DCHS2: variants seen among roughly 807,000 people sequenced by gnomAD.
The protein encoded by DCHS2 is dachsous cadherin-related 2.
DCHS2 carries 142 observed loss-of-function variants against 182.4 expected under a neutral mutation model. The observed-to-expected ratio is 0.78, with a 90% CI of 0.68 to 0.89. DCHS2 has a LOEUF of 0.89. Among genes scored for constraint, DCHS2 ranks in the 40% least tolerant of loss-of-function variants. DCHS2 has a pLI of 0.00. For synonymous variants in DCHS2, 1,740 were observed against 1,663.3 expected (o/e 1.05, Z -1.12); for missense variants, 4,319 against 4,198.6 (o/e 1.03, Z -0.79).
intron 4 of DCHS2, 77 bp from the exon 5 acceptor site, chr4:154,333,571 T>C (rs952048434): frequency 1.5e-6 from 2 of 1,375,504 alleles, no homozygotes; most frequent in Non-Finnish European, 2.0e-6. Flanking sequence ...GAAATGTTAA[T>C]ACAGTCATCC....
intron 3 of DCHS2, among the ~76,000 whole-genome samples, chr4:154,346,080 C>T (rs968102862): frequency 6.6e-6 from 1 of 152,158 alleles, no homozygotes; most frequent in African/African-American, 2.4e-5. Flanking sequence ...AGCCACTCAT[C>T]CCATTGTGGA....
chr4:154,471,503 G>C (rs1735466539), intron 1 of DCHS2, among the ~76,000 whole-genome samples: 1 of 152,066 alleles, frequency 6.6e-6, no homozygotes, highest in Non-Finnish European at 1.5e-5. Flanking sequence ...GTTAGAAATG[G>C]TTTATTGTAG....
Position 154,304,758 on chromosome 4 carries a change from A to G in DCHS2, c.5516T>C (p.Leu1839Pro), listed in dbSNP as rs1281451933. 1 of 1,614,104 alleles carries G rather than the reference A, an allele frequency of 6.2e-7. No individual in the cohort carries two copies. The highest frequency in any genetic ancestry group is 1.1e-5 in the South Asian group (1 of 91,072). ...GACAACCTCTGGTTCCTGGTTTTCC[A>G]GAACCTCAATGTCATAACTGGAAAC... Reference protein sequence around the residue: ...FIVSSYDIEVLENQEPEVVYT... With the variant: ...FIVSSYDIEVPENQEPEVVYT... Residue 1839 changes from leucine to proline, a missense_variant, in exon 12 of 20, where the codon CTG becomes CCG. Leu to Pro is a moderately conservative substitution (Grantham distance 98, BLOSUM62 -3). Coordinates refer to ENST00000357232, the MANE Select transcript of DCHS2 (RefSeq NM_001358235.2).
chr4:154,266,329 T>C (rs1578882188), intron 14 of DCHS2, among the ~76,000 whole-genome samples: 1 of 146,052 alleles, frequency 6.8e-6, no homozygotes, highest in Non-Finnish European at 1.5e-5. Flanking sequence ...AGGGGTTTTT[T>C]TTTTGTTGTT....
At chr4:154,357,343 C>T (rs1172300175) in intron 3 of DCHS2, 3 of 1,534,862 alleles carry the variant, frequency 2.0e-6, no homozygotes, top group East Asian at 4.5e-5. Flanking sequence ...GGAAAAGGAG[C>T]CAGGCTGGTG....
intron 1 of DCHS2, among the ~76,000 whole-genome samples, chr4:154,416,449 C>T (rs1013058919): frequency 1.6e-4 from 24 of 152,182 alleles, no homozygotes; most frequent in African/African-American, 5.6e-4. Flanking sequence ...GTGTTATTCC[C>T]CACCCGACGA....
chr4:154,402,376 G>A (rs920360541), intron 1 of DCHS2, among the ~76,000 whole-genome samples: 2 of 152,170 alleles, frequency 1.3e-5, no homozygotes, highest in African/African-American at 2.4e-5. Flanking sequence ...TTACCATATA[G>A]ATTTTAGAAT....
chr4:154,377,894 G>A (rs1292455770), intron 1 of DCHS2, among the ~76,000 whole-genome samples: 2 of 152,094 alleles, frequency 1.3e-5, no homozygotes, highest in Admixed American at 1.3e-4. Context: ...GAGCAGCAAG[G>A]GGAGGGCCAA....
At position 154,433,413 on chromosome 4, in the gene DCHS2, T is replaced by C. The variant is rs936945808; in HGVS notation, c.2052+55891A>G. ...TTTTTTCCTTTTTTTTTTTTTTTTT[T>C]GAGACAGAGTCTTGCTCTGTCGCTA... On this transcript the variant is annotated intron_variant, in intron 1 of 19. Coordinates refer to ENST00000357232, the MANE Select transcript of DCHS2 (RefSeq NM_001358235.2). Among the ~76,000 whole-genome samples the C allele has an allele frequency of 5.9e-4, 87 of 148,046 alleles. 1 individual carries two copies. In the East Asian group the frequency reaches 0.016, roughly 27 times the overall value.
chr4:154,386,788 TTCTC>T (rs1262665689), intron 1 of DCHS2, among the ~76,000 whole-genome samples: 3 of 152,212 alleles, frequency 2.0e-5, no homozygotes, highest in Non-Finnish European at 4.4e-5. Flanking sequence ...TTTATGACTA[TTCTC>T]TCTATTTGCC....
chr4:154,246,414 T>G (rs1315895195), intron 16 of DCHS2, among the ~76,000 whole-genome samples: 1 of 151,992 alleles, frequency 6.6e-6, no homozygotes, highest in Non-Finnish European at 1.5e-5. Flanking sequence ...ATAGTCGACT[T>G]CCCCTGTGGT....
intron 13 of DCHS2, among the ~76,000 whole-genome samples, chr4:154,290,362 A>T (rs1734598385): frequency 1.3e-5 from 2 of 152,102 alleles, no homozygotes; most frequent in Non-Finnish European, 2.9e-5. Context: ...AAATGTCCAT[A>T]CTATCAAAAG....
rs148647606 is a variant in DCHS2 at position 154,477,309 on chromosome 4, A to G, written c.2052+11995T>C. On this transcript the variant is annotated intron_variant, in intron 1 of 19. Transcript: ENST00000357232. ...ATGCAGATGCAACCCTCATAACTTC[A>G]TCTAAACTAATTATCTCACAAAGGC... 2.4e-3 allele frequency among the ~76,000 whole-genome samples: 371 copies of G among 152,266 alleles called. 1 individual carries two copies. The highest frequency in any genetic ancestry group is 2.9e-3 in the Non-Finnish European group (199 of 68,018).
intron 1 of DCHS2, among the ~76,000 whole-genome samples, chr4:154,484,914 C>T (rs139600460): frequency 2.0e-5 from 3 of 152,290 alleles, no homozygotes; most frequent in African/African-American, 4.8e-5. Context: ...ATTACACATT[C>T]CTACATACAC....
At chr4:154,463,807 A>G (rs1735123143) in intron 1 of DCHS2, among the ~76,000 whole-genome samples, 1 of 152,034 alleles carries the variant, frequency 6.6e-6, no homozygotes, top group Admixed American at 6.6e-5. Context: ...TCAGGGCTCT[A>G]TATACATCAG....
intron 3 of DCHS2, among the ~76,000 whole-genome samples, chr4:154,359,912 G>A (rs1159328492): frequency 6.6e-6 from 1 of 151,964 alleles, no homozygotes; most frequent in Non-Finnish European, 1.5e-5. Context: ...GTCACAATGA[G>A]AGGTCATTTT....
intron 1 of DCHS2, among the ~76,000 whole-genome samples, chr4:154,435,976 T>C (rs950515405): frequency 3.9e-5 from 6 of 152,174 alleles, no homozygotes; most frequent in African/African-American, 1.2e-4. Context: ...ATATATAACA[T>C]CGTGATAAAC....
At chr4:154,371,601 T>C (rs988824826) in intron 2 of DCHS2, among the ~76,000 whole-genome samples, 1 of 152,114 alleles carries the variant, frequency 6.6e-6, no homozygotes, top group South Asian at 2.1e-4. Flanking sequence ...AACCTGAGAC[T>C]GATTAATTTA....
At chr4:154,302,643 C>G (rs1279054000) in intron 12 of DCHS2, among the ~76,000 whole-genome samples, 1 of 151,908 alleles carries the variant, frequency 6.6e-6, no homozygotes, top group Non-Finnish European at 1.5e-5. Context: ...CTGAGTCCCA[C>G]AGCCATCCGA....
Sources: gnomAD v4.1 joint callset for allele counts (sites outside exome capture counted in the v4.1 genomes callset) on GRCh38, gnomAD v4.1.1 for gene constraint, MANE v1.5 for transcripts, NCBI Gene and HGNC (gene_info 2026-07-23, HGNC 2026-07-21) for gene names.